The following C1QTNF3 variants were observed in gnomAD, a reference collection of about 807,000 sequenced individuals.
The protein encoded by C1QTNF3 is C1q and TNF related 3.
A neutral mutation model predicts 32.6 loss-of-function variants in C1QTNF3; 26 were observed. That is an observed-to-expected ratio of 0.80 (90% CI 0.58 to 1.11). The LOEUF is 1.11. Ranked by LOEUF, C1QTNF3 falls within the 50% of genes least tolerant of loss-of-function variation. C1QTNF3 has a pLI of 0.00. For missense variants in C1QTNF3, 362 were observed against 398.2 expected (o/e 0.91, Z 0.77); for synonymous variants, 155 against 146.0 (o/e 1.06, Z -0.44).
chr5:34,123,845 T>C, the C1QTNF3 span, among the ~76,000 whole-genome samples: 1 of 152,222 alleles, frequency 6.6e-6, no homozygotes, highest in Non-Finnish European at 1.5e-5. Context: ...TGTTTGTGTA[T>C]GAGTGGTATA....
chr5:34,022,429 G>C (rs936510209), intron 5 of C1QTNF3, among the ~76,000 whole-genome samples: 4 of 152,158 alleles, frequency 2.6e-5, no homozygotes, highest in Admixed American at 2.6e-4. Context: ...AGAACCAGGA[G>C]CCAAAGAGAA....
At chr5:34,047,145 T>C (rs775053472), upstream of C1QTNF3, among the ~76,000 whole-genome samples, 10 of 152,214 alleles carry the variant, frequency 6.6e-5, no homozygotes, top group Non-Finnish European at 1.5e-4. Flanking sequence ...GTCCCAGTTC[T>C]GCACAGTTGT....
At chr5:34,177,487 T>TG in the C1QTNF3 span, among the ~76,000 whole-genome samples, 4 of 144,108 alleles carry the variant, frequency 2.8e-5, no homozygotes, top group South Asian at 9.4e-4. Flanking sequence ...CAACTTTTTT[T>TG]TTTTTTTTTT....
At chr5:34,042,776 C>CAAT (rs1754903236) in intron 1 of C1QTNF3, 47 bp downstream of exon 1, 6 of 1,528,176 alleles carry the variant, frequency 3.9e-6, no homozygotes, top group Admixed American at 2.0e-5. Context: ...ACAACAACAA[C>CAAT]ACTCATTAAG....
At chr5:34,228,668 A>G in the C1QTNF3 span, among the ~76,000 whole-genome samples, 1 of 151,916 alleles carries the variant, frequency 6.6e-6, no homozygotes, top group African/African-American at 2.4e-5. Flanking sequence ...GTGAATCACT[A>G]TATGAGATAT....
At chr5:34,080,337 C>T in the C1QTNF3 span, among the ~76,000 whole-genome samples, 18 of 151,804 alleles carry the variant, frequency 1.2e-4, no homozygotes, top group Middle Eastern at 3.4e-3. Flanking sequence ...ATGTTTTAGA[C>T]AAGTGAATTG....
chr5:34,037,484 A>G (rs1754769479), intron 1 of C1QTNF3, among the ~76,000 whole-genome samples: 1 of 152,198 alleles, frequency 6.6e-6, no homozygotes, highest in African/African-American at 2.4e-5. Context: ...ATGGGCTTGA[A>G]TTTTGTTCTC....
chr5:34,234,192 A>T, the C1QTNF3 span, among the ~76,000 whole-genome samples: 1 of 152,150 alleles, frequency 6.6e-6, no homozygotes, highest in Non-Finnish European at 1.5e-5. Flanking sequence ...GCTTTGTGTC[A>T]TATCTATCTA....
intron 2 of C1QTNF3, among the ~76,000 whole-genome samples, chr5:34,034,377 C>A (rs1754687280): frequency 6.6e-6 from 1 of 152,142 alleles, no homozygotes. Flanking sequence ...CTACAAAAAA[C>A]ACATCACTTT....
chr5:34,160,016 AAAG>A, the C1QTNF3 span, among the ~76,000 whole-genome samples: 1 of 152,212 alleles, frequency 6.6e-6, no homozygotes, highest in Admixed American at 6.5e-5. Context: ...CCTTTAGACC[AAAG>A]AAGCTAACAT....
At chr5:34,090,537 A>C in the C1QTNF3 span, among the ~76,000 whole-genome samples, 1 of 151,842 alleles carries the variant, frequency 6.6e-6, no homozygotes, top group Non-Finnish European at 1.5e-5. Flanking sequence ...CAATAAAACA[A>C]TTAACTTATT....
upstream of C1QTNF3, among the ~76,000 whole-genome samples, chr5:34,046,655 A>G (rs1754990679): frequency 6.6e-6 from 1 of 152,214 alleles, no homozygotes; most frequent in East Asian, 1.9e-4. Flanking sequence ...ACTGTGACAC[A>G]ATAAATTTCA....
At chr5:34,212,175 T>C in the C1QTNF3 span, among the ~76,000 whole-genome samples, 2 of 151,524 alleles carry the variant, frequency 1.3e-5, no homozygotes, top group Non-Finnish European at 2.9e-5. Context: ...ATTTAATAAA[T>C]GGTGCTGGGA....
the C1QTNF3 span, among the ~76,000 whole-genome samples, chr5:34,230,851 C>T: frequency 6.6e-6 from 1 of 152,046 alleles, no homozygotes; most frequent in Non-Finnish European, 1.5e-5. Flanking sequence ...GTTCCTTTTG[C>T]TTTTATTAAC....
At chr5:34,039,815 T>G (rs1754825175) in intron 1 of C1QTNF3, among the ~76,000 whole-genome samples, 1 of 152,222 alleles carries the variant, frequency 6.6e-6, no homozygotes, top group South Asian at 2.1e-4. Flanking sequence ...AGAAACATTT[T>G]GTTTTTAGTA....
the C1QTNF3 span, among the ~76,000 whole-genome samples, chr5:34,056,479 TAGAGAGAGAGAGAGAGAG>T: frequency 2.6e-3 from 136 of 51,768 alleles, no homozygotes; most frequent in Middle Eastern, 0.012. Context: ...TATATATATA[TAGAGAGAGAGAGAGAGAG>T]AGAGAGAGAG....
the C1QTNF3 span, among the ~76,000 whole-genome samples, chr5:34,155,845 T>A: frequency 6.6e-6 from 1 of 152,030 alleles, no homozygotes; most frequent in African/African-American, 2.4e-5. Context: ...CTAAGTGACA[T>A]TAAGAAGAGA....
At chr5:34,118,921 C>CAT in the C1QTNF3 span, among the ~76,000 whole-genome samples, 8 of 151,466 alleles carry the variant, frequency 5.3e-5, no homozygotes, top group East Asian at 5.8e-4. Flanking sequence ...TGTGTGTATA[C>CAT]ATATATATAT....
At chr5:34,020,912 T>C (rs757410532) in intron 5 of C1QTNF3, among the ~76,000 whole-genome samples, 170 bp from the exon 6 acceptor site, 5 of 152,216 alleles carry the variant, frequency 3.3e-5, no homozygotes, top group Non-Finnish European at 7.3e-5. Context: ...AGCTGGCTAG[T>C]AACACTCTCA....
Sources: allele counts gnomAD v4.1 joint callset (sites outside exome capture counted in the v4.1 genomes callset), GRCh38; gene constraint gnomAD v4.1.1; transcripts MANE v1.5; gene names NCBI Gene and HGNC (gene_info 2026-07-23, HGNC 2026-07-21).